The following ITGA1 variants were observed in gnomAD, a reference collection of about 807,000 sequenced individuals.
ITGA1 encodes integrin subunit alpha 1.
ITGA1 carries 85 observed loss-of-function variants against 145.9 expected under a neutral mutation model. That is an observed-to-expected ratio of 0.58 (90% CI 0.49 to 0.70). The LOEUF is 0.70. Among genes scored for constraint, ITGA1 ranks in the 30% least tolerant of loss-of-function variants. ITGA1 has a pLI of 0.00. For synonymous variants in ITGA1, 520 were observed against 495.3 expected (o/e 1.05, Z -0.66); for missense variants, 1,351 against 1,418.7 (o/e 0.95, Z 0.77).
At chr5:52,806,785 A>G (rs974975417) in intron 1 of ITGA1, among the ~76,000 whole-genome samples, 2 of 152,196 alleles carry the variant, frequency 1.3e-5, no homozygotes, top group African/African-American at 4.8e-5. Context: ...AATATTATGA[A>G]TGTTTTAATT....
chr5:52,915,534 T>C lies in ITGA1; in HGVS notation c.1928T>C (p.Leu643Ser). 6.2e-7 allele frequency: 1 copy of C among 1,614,098 alleles called. No individual in the cohort carries two copies. The highest frequency in any genetic ancestry group is 8.5e-7 in the Non-Finnish European group (1 of 1,179,988). The change falls in exon 15 of 29, where the codon TTA becomes TCA. Residue 643 changes from leucine to serine, a missense_variant. Physicochemically the swap from Leu to Ser is moderately radical, Grantham distance 145 (BLOSUM62 -2). Transcript: ENST00000282588. ...FGQSIHGEMD[L>S]NGDGLTDVTI... Reference sequence around the variant, plus strand: ...CAGTCTATCCACGGAGAAATGGATTTAAATGGTGACGGTCTGACAGATGTG... The same window carrying C: ...CAGTCTATCCACGGAGAAATGGATTCAAATGGTGACGGTCTGACAGATGTG...
intron 6 of ITGA1, among the ~76,000 whole-genome samples, chr5:52,873,944 GATA>G (rs1749825385): frequency 6.6e-6 from 1 of 151,530 alleles, no homozygotes; most frequent in Non-Finnish European, 1.5e-5. Flanking sequence ...AGATATAGAA[GATA>G]ATAATATAAT....
chr5:52,796,489 C>G (rs968159085), intron 1 of ITGA1, among the ~76,000 whole-genome samples: 5 of 151,566 alleles, frequency 3.3e-5, no homozygotes, highest in African/African-American at 4.8e-5. Flanking sequence ...AGCTAAAAGC[C>G]CTGGTATTTT....
At chr5:52,942,092 G>T (rs567895684) in intron 26 of ITGA1, among the ~76,000 whole-genome samples, 16 of 152,236 alleles carry the variant, frequency 1.1e-4, no homozygotes, top group African/African-American at 3.4e-4. Context: ...CTGTAGGTAT[G>T]TGGCTTTATT....
At chr5:52,946,169 G>A (rs1389241158) in intron 27 of ITGA1, among the ~76,000 whole-genome samples, 1 of 152,128 alleles carries the variant, frequency 6.6e-6, no homozygotes, top group Admixed American at 6.6e-5. Flanking sequence ...GTGATCTGAG[G>A]AAAGTCACTG....
chr5:52,899,024 C>T (rs541954367), intron 11 of ITGA1, among the ~76,000 whole-genome samples: 2 of 152,190 alleles, frequency 1.3e-5, no homozygotes, highest in Admixed American at 1.3e-4. Flanking sequence ...GAACTCTCCC[C>T]TCACTGAAAA....
At chr5:52,934,473 A>G (rs533207950) in intron 23 of ITGA1, among the ~76,000 whole-genome samples, 10 of 152,010 alleles carry the variant, frequency 6.6e-5, no homozygotes, top group African/African-American at 2.4e-4. Flanking sequence ...ATAAGTATGT[A>G]TCACATTCTC....
At chr5:52,951,750 TG>T (rs752509817) in intron 28 of ITGA1, among the ~76,000 whole-genome samples, 10 of 152,060 alleles carry the variant, frequency 6.6e-5, no homozygotes, top group Non-Finnish European at 1.3e-4. Context: ...GCCACATCCC[TG>T]AAAAAAAAGA....
chr5:52,939,385 GT>G (rs1751019081), intron 24 of ITGA1, among the ~76,000 whole-genome samples: 1 of 152,080 alleles, frequency 6.6e-6, no homozygotes, highest in South Asian at 2.1e-4. Flanking sequence ...AAGTAGCATG[GT>G]AAGAGTACAT....
chr5:52,892,083 AC>A (rs1579702086), intron 8 of ITGA1, among the ~76,000 whole-genome samples: 1 of 152,164 alleles, frequency 6.6e-6, no homozygotes, highest in African/African-American at 2.4e-5. Context: ...TCTGCAAAAC[AC>A]ATAAAGGACT....
intron 14 of ITGA1, among the ~76,000 whole-genome samples, chr5:52,911,744 T>C (rs201398285): frequency 0.035 from 2,294 of 65,892 alleles, no homozygotes; most frequent in Middle Eastern, 0.056. Context: ...CTACTATATA[T>C]ACTATACATA....
In ITGA1 at chr5:52,932,046, G is replaced by A; in HGVS notation, c.2772-1G>A. ...GTCTGAATGTGCCGTGTATTTTCTA[G>A]TGACAGCGAAGAACCTCCTGAAACC... On this transcript the variant is annotated splice_acceptor_variant, in intron 21 of 28. Coordinates refer to ENST00000282588, the MANE Select transcript of ITGA1 (RefSeq NM_181501.2). LOFTEE classifies it high-confidence loss of function. 1.3e-6 allele frequency: 2 copies of A among 1,576,994 alleles called. No individual in the cohort carries two copies. Among genetic ancestry groups the A allele is most frequent in the Non-Finnish European group, 1.7e-6 (2 of 1,147,128 alleles).
At chr5:52,822,683 AAC>A (rs1748898691) in intron 1 of ITGA1, among the ~76,000 whole-genome samples, 1 of 152,194 alleles carries the variant, frequency 6.6e-6, no homozygotes, top group South Asian at 2.1e-4. Flanking sequence ...ACCCAGTGGA[AAC>A]ACAGCTGCAA....
At chr5:52,908,773 ATC>A in intron 12 of ITGA1, 123 bp from the exon 13 acceptor site, 1 of 983,600 alleles carries the variant, frequency 1.0e-6, no homozygotes, top group Non-Finnish European at 1.5e-6. Context: ...ATCAATTTTT[ATC>A]TTTCATTTCC....
At chr5:52,850,807 A>G (rs1212135575) in intron 2 of ITGA1, among the ~76,000 whole-genome samples, 9 of 151,994 alleles carry the variant, frequency 5.9e-5, no homozygotes, top group Non-Finnish European at 1.3e-4. Flanking sequence ...CCTCCCTCCT[A>G]TACTCTCCAC....
intron 1 of ITGA1, among the ~76,000 whole-genome samples, chr5:52,788,772 T>C (rs888336570): frequency 3.9e-5 from 6 of 152,118 alleles, no homozygotes; most frequent in African/African-American, 1.4e-4. Flanking sequence ...TGGCATGGGA[T>C]GGGAGGGTGA....
chr5:52,850,754 T>C lies in ITGA1; in HGVS notation c.182+1269T>C, dbSNP rs529428886. Among the ~76,000 whole-genome samples the C allele has an allele frequency of 2.4e-3, 362 of 152,334 alleles. 1 individual carries two copies. Among genetic ancestry groups the C allele is most frequent in the Non-Finnish European group, 4.0e-3 (274 of 68,016 alleles). The stretch of plus-strand genomic sequence containing the variant: ...TTATTCTCCTTACAAATATCTCAGA[T>C]GACAAACCCAATGCTACATGCTAAA... On this transcript the variant is annotated intron_variant, in intron 2 of 28. Transcript: ENST00000282588.
rs2111565605 is a variant in ITGA1, at chr5:52,953,924, C to G, written c.*1473C>G. ...TGCTTTGTTCAAAGAGGAGCAAATC[C>G]ACATAGAAATTAAATGTTATAAATT... is the stretch of plus-strand genomic sequence containing the variant. On this transcript the variant is annotated 3_prime_UTR_variant, in exon 29 of 29. Transcript: ENST00000282588. 6.6e-6 allele frequency: 1 copy of G among 151,350 alleles called. No homozygotes were observed. Among genetic ancestry groups the G allele is most frequent in the East Asian group, 1.9e-4 (1 of 5,134 alleles). 9.4% of individuals were successfully genotyped at this position (151,350 alleles called of 1,614,324 possible).
At chr5:52,817,486 A>C (rs1184935243) in intron 1 of ITGA1, among the ~76,000 whole-genome samples, 1 of 152,240 alleles carries the variant, frequency 6.6e-6, no homozygotes, top group Non-Finnish European at 1.5e-5. Context: ...TCTTTAAGGA[A>C]ATGTAAAAAT....
Sources: gnomAD v4.1 joint callset for allele counts (sites outside exome capture counted in the v4.1 genomes callset) on GRCh38, gnomAD v4.1.1 for gene constraint, MANE v1.5 for transcripts, NCBI Gene and HGNC (gene_info 2026-07-23, HGNC 2026-07-21) for gene names.